Variants in ENTPD5 observed in about 807,000 individuals in gnomAD.
The protein encoded by ENTPD5 is ectonucleoside triphosphate diphosphohydrolase 5 (inactive).
Under a neutral mutation model 60.2 loss-of-function variants are expected in ENTPD5, and 49 were observed. The observed-to-expected ratio is 0.81, with a 90% CI of 0.65 to 1.03. The LOEUF (loss-of-function observed/expected upper bound fraction) is 1.03, where lower values mean the gene tolerates loss of function less well. ENTPD5 is among the 50% of genes least tolerant of loss of function. The pLI is 0.00. For synonymous variants in ENTPD5, 187 were observed against 185.4 expected, an observed-to-expected ratio of 1.01 and a Z score of -0.07; for missense variants, 480 against 507.6, an observed-to-expected ratio of 0.95 and a Z score of 0.52.
rs572747925 is a variant in ENTPD5, at chr14:74,009,500, GT to G, written c.-71+1590del. Among the ~76,000 whole-genome samples the G allele has an allele frequency of 3.6e-3, 548 of 152,304 alleles. 4 individuals carry two copies. The highest frequency in any genetic ancestry group is 0.012 in the African/African-American group (516 of 41,554). On this transcript the variant is annotated intron_variant, in intron 3 of 15. Transcript: ENST00000334696. ...CAAAGATAAAAATATTACAATGATA[GT>G]TTCATGTATAAAGGAAGGAATAGGG...
In ENTPD5 at chr14:74,019,264, C is replaced by G. The variant is rs1594985326; in HGVS notation, c.-252G>C. On this transcript the variant is annotated 5_prime_UTR_variant, in exon 1 of 16. Transcript: ENST00000334696. ...CGCACACTCACCGCGCGCGCGCCAC[C>G]CTTGCGCGGCAGCCCGCCGCCCTCG... is the stretch of plus-strand genomic sequence containing the variant. The G allele has an allele frequency of 9.9e-6, 3 of 304,416 alleles. No homozygotes were observed. The highest frequency in any genetic ancestry group is 1.5e-5 in the Non-Finnish European group (3 of 204,972). 18.9% of individuals were successfully genotyped at this position (304,416 alleles called of 1,614,324 possible).
chr14:73,958,354 G>T (rs775709668), downstream of ENTPD5: 32 of 1,604,076 alleles, frequency 2.0e-5, no homozygotes, highest in Non-Finnish European at 2.7e-5. Context: ...TCTGGTTTTC[G>T]ATTTAAGCTA....
At chr14:73,990,818 C>T (rs2140673391) in intron 3 of ENTPD5, among the ~76,000 whole-genome samples, 1 of 151,232 alleles carries the variant, frequency 6.6e-6, no homozygotes, top group East Asian at 2.0e-4. Context: ...CATGTAAGGT[C>T]AGGAGTTCGA....
chr14:74,012,910 C>A (rs896754991), intron 2 of ENTPD5, among the ~76,000 whole-genome samples: 1 of 152,194 alleles, frequency 6.6e-6, no homozygotes, highest in African/African-American at 2.4e-5. Flanking sequence ...CAAGCTGGGG[C>A]CTCTAGTCTG....
At chr14:74,005,383 T>G (rs1227047627) in intron 3 of ENTPD5, among the ~76,000 whole-genome samples, 2 of 64,956 alleles carry the variant, frequency 3.1e-5, no homozygotes, top group South Asian at 6.7e-4. Flanking sequence ...AGAAAAGAAA[T>G]ATAGGCAGGG....
At chr14:73,987,159 ACT>A in intron 4 of ENTPD5, 4 of 701,912 alleles carry the variant, frequency 5.7e-6, no homozygotes, top group Non-Finnish European at 1.0e-5. Context: ...AGGAAAAAAC[ACT>A]GACAATTCAG....
downstream of ENTPD5, chr14:73,958,776 C>T: frequency 6.7e-7 from 1 of 1,490,928 alleles, no homozygotes; most frequent in Middle Eastern, 2.4e-4. Context: ...TCATGTCCAG[C>T]TTTGGCTCTG....
chr14:74,001,501 C>CA lies in ENTPD5; in HGVS notation c.-71+9589dup, dbSNP rs1406161821. On this transcript the variant is annotated intron_variant, in intron 3 of 15. Coordinates refer to ENST00000334696, the MANE Select transcript of ENTPD5 (RefSeq NM_001249.5). ...TGGGCAACAGAGCAAGACTCCATCCCAAAAAAAAAGAAAAAAATTAGCCAG... is the reference window on the plus strand; with the variant it reads ...TGGGCAACAGAGCAAGACTCCATCCCAAAAAAAAAAGAAAAAAATTAGCCAG... 8.9e-5 allele frequency among the ~76,000 whole-genome samples: 13 copies of CA among 145,874 alleles called. No individual in the cohort carries two copies. In the South Asian group the frequency reaches 1.1e-3, roughly 12 times the overall value.
At chr14:73,990,278 C>T (rs1458082060) in intron 3 of ENTPD5, among the ~76,000 whole-genome samples, 1 of 152,110 alleles carries the variant, frequency 6.6e-6, no homozygotes, top group African/African-American at 2.4e-5. Context: ...TTCTTCTTTC[C>T]ATTTTGATGA....
At chr14:73,969,982 T>C in intron 15 of ENTPD5, 28 bp downstream of exon 15, 1 of 1,498,910 alleles carries the variant, frequency 6.7e-7, no homozygotes, top group East Asian at 2.3e-5. Context: ...AGAGGGCTGT[T>C]ATGAGACTCT....
intron 3 of ENTPD5, among the ~76,000 whole-genome samples, chr14:73,991,625 A>AAAAAAAAAAAAAAAAAAAAAAAAAAAAAG: frequency 7.8e-6 from 1 of 127,968 alleles, no homozygotes; most frequent in Non-Finnish European, 1.6e-5. Flanking sequence ...AAAAAAAAAA[A>AAAAAAAAAAAAAAAAAAAAAAAAAAAAAG]ACAATTAGGG....
In ENTPD5 at chr14:73,988,066, C is replaced by G. The variant is rs1310798688; in HGVS notation, c.37G>C (p.Val13Leu). ...TSWGTVFFML[V>L]VSCVCSAVSH... Reference sequence around the variant, plus strand: ...ACAGCGCTGCAAACACAGGATACCACCAGCATGAAAAAGACTGTGCCCCAA... The same window carrying G: ...ACAGCGCTGCAAACACAGGATACCAGCAGCATGAAAAAGACTGTGCCCCAA... The change falls in exon 4 of 16, where the codon GTG becomes CTG. Residue 13 changes from valine (V) to leucine (L), a missense_variant. Coordinates refer to ENST00000334696, the MANE Select transcript of ENTPD5 (RefSeq NM_001249.5). 6.2e-7 allele frequency: 1 copy of G among 1,613,210 alleles called. No homozygotes were observed. Among genetic ancestry groups the G allele is most frequent in the Admixed American group, 1.7e-5 (1 of 59,914 alleles).
At chr14:73,986,954 A>G in intron 4 of ENTPD5, 61 bp from the exon 5 acceptor site, 1 of 1,237,416 alleles carries the variant, frequency 8.1e-7, no homozygotes, top group Non-Finnish European at 1.2e-6. Flanking sequence ...AGGCTGCTTC[A>G]GATGCTGGGC....
intron 3 of ENTPD5, among the ~76,000 whole-genome samples, chr14:74,005,733 G>A (rs1197071740): frequency 2.0e-5 from 3 of 152,022 alleles, no homozygotes. Flanking sequence ...CTAGAACCCA[G>A]GAGGCAGAGG....
intron 3 of ENTPD5, chr14:74,003,543 T>C: frequency 1.3e-6 from 1 of 797,394 alleles, no homozygotes; most frequent in South Asian, 1.4e-5. Context: ...CTGGGGATGC[T>C]GGTACAAGTT....
intron 3 of ENTPD5, among the ~76,000 whole-genome samples, chr14:73,998,781 G>A (rs1274200830): frequency 6.6e-6 from 1 of 152,124 alleles, no homozygotes; most frequent in Non-Finnish European, 1.5e-5. Context: ...CATGAATCAA[G>A]ACACGGATGT....
chr14:73,966,887 A>G lies in ENTPD5; in HGVS notation c.*41T>C, dbSNP rs1211781485. 4.1e-6 allele frequency: 6 copies of G among 1,475,360 alleles called. No homozygotes were observed. The East Asian group carries it at 1.4e-4, about 33-fold the overall frequency. The allele number at this position is 1,475,360 out of a possible 1,614,324, so 91.4% of individuals were successfully genotyped here. On this transcript the variant is annotated 3_prime_UTR_variant, in exon 16 of 16. Coordinates refer to ENST00000334696, the MANE Select transcript of ENTPD5 (RefSeq NM_001249.5). ...CTAAGTGCTCTCTCCTCCCCTTAAA[A>G]AGGTGTTGGCAAATGCAGGTCTCCA...
chr14:73,996,733 C>G (rs1466649330), intron 3 of ENTPD5: 1 of 152,108 alleles, frequency 6.6e-6, no homozygotes, highest in African/African-American at 2.4e-5. Flanking sequence ...TACTTGAGGT[C>G]AGGATTTCAA....
chr14:73,988,739 T>C (rs982917025), intron 3 of ENTPD5, among the ~76,000 whole-genome samples: 2 of 152,242 alleles, frequency 1.3e-5, no homozygotes, highest in African/African-American at 4.8e-5. Context: ...ATCAACTTTT[T>C]TAGCTCCCAT....
Sources: gnomAD v4.1 joint callset for allele counts (sites outside exome capture counted in the v4.1 genomes callset) on GRCh38, gnomAD v4.1.1 for gene constraint, MANE v1.5 for transcripts, NCBI Gene and HGNC (gene_info 2026-07-23, HGNC 2026-07-21) for gene names.